Variants in SRGAP2 observed in about 807,000 individuals in gnomAD.
SRGAP2 encodes SLIT-ROBO Rho GTPase-activating protein 2.
SRGAP2 carries 15 observed loss-of-function variants against 57.2 expected under a neutral mutation model. The ratio of observed to expected loss-of-function variants is 0.26; its 90% confidence interval spans 0.18 to 0.40. The LOEUF is 0.40. Among genes scored for constraint, SRGAP2 ranks in the 10% least tolerant of loss-of-function variants. The probability of loss-of-function intolerance (pLI) is 1.00; values close to 1 mark genes in which losing one functional copy is unlikely to be tolerated. For synonymous variants in SRGAP2, 249 were observed against 248.0 expected, an observed-to-expected ratio of 1.00 and a Z score of -0.04; for missense variants, 520 against 669.6, an observed-to-expected ratio of 0.78 and a Z score of 2.47.
At position 206,447,793 on chromosome 1, in the gene SRGAP2, A is replaced by C. The variant is rs1355784382; in HGVS notation, c.2099+1494A>C. On this transcript the variant is annotated intron_variant, in intron 18 of 22. Coordinates refer to ENST00000573034, the MANE Select transcript of SRGAP2 (RefSeq NM_015326.5). ...CAGGCTCTGGTCCAGTGCCCGGGGC[A>C]CAGAGACCCCTACAGCCCTGGCCCC... 2.0e-5 allele frequency among the ~76,000 whole-genome samples: 3 copies of C among 152,184 alleles called. No individual in the cohort carries two copies. In the East Asian group the frequency reaches 5.8e-4, roughly 29 times the overall value.
intron 2 of SRGAP2, among the ~76,000 whole-genome samples, chr1:206,210,346 G>T (rs1252412247): frequency 2.8e-5 from 4 of 143,318 alleles, no homozygotes; most frequent in Admixed American, 2.8e-4. Context: ...CTGAAACAGG[G>T]TGGCACTGTA....
At chr1:206,353,252 G>A (rs1676165381) in intron 4 of SRGAP2, among the ~76,000 whole-genome samples, 1 of 152,144 alleles carries the variant, frequency 6.6e-6, no homozygotes, top group Non-Finnish European at 1.5e-5. Context: ...TCAATTGCAT[G>A]TATGTTAGAC....
At chr1:206,268,270 G>T in intron 2 of SRGAP2, among the ~76,000 whole-genome samples, 1 of 108,250 alleles carries the variant, frequency 9.2e-6, no homozygotes. Context: ...TGTGTGTGAT[G>T]TTCCCCATCC....
At chr1:206,437,447 T>TA (rs1471861518) in intron 15 of SRGAP2, among the ~76,000 whole-genome samples, 1 of 152,252 alleles carries the variant, frequency 6.6e-6, no homozygotes, top group Non-Finnish European at 1.5e-5. Context: ...TCCGTCACTG[T>TA]AATGGATATA....
At chr1:206,387,039 T>C (rs1240249499) in intron 5 of SRGAP2, among the ~76,000 whole-genome samples, 1 of 137,424 alleles carries the variant, frequency 7.3e-6, no homozygotes, top group Non-Finnish European at 1.5e-5. Context: ...GGCAGGAGAA[T>C]GGCATGAACC....
intron 4 of SRGAP2, among the ~76,000 whole-genome samples, chr1:206,381,018 T>A (rs1553347080): frequency 1.3e-5 from 2 of 152,090 alleles, no homozygotes; most frequent in Non-Finnish European, 2.9e-5. Context: ...TATTGCACAT[T>A]TTAAGTGGGC....
intron 2 of SRGAP2, among the ~76,000 whole-genome samples, chr1:206,287,409 A>G (rs1213573382): frequency 7.6e-6 from 1 of 131,910 alleles, no homozygotes; most frequent in African/African-American, 3.0e-5. Flanking sequence ...GGAAGCAAGG[A>G]GAGATAGAAA....
intron 13 of SRGAP2, among the ~76,000 whole-genome samples, chr1:206,428,058 C>T (rs189742186): frequency 6.6e-6 from 1 of 152,234 alleles, no homozygotes; most frequent in African/African-American, 2.4e-5. Flanking sequence ...GCTATGATCG[C>T]ACCACTGCAC....
chr1:206,312,759 T>G (rs61816772), intron 3 of SRGAP2, among the ~76,000 whole-genome samples: 1 of 152,080 alleles, frequency 6.6e-6, no homozygotes, highest in Non-Finnish European at 1.5e-5. Flanking sequence ...GTCAGCCTGG[T>G]TTGATCAAGA....
At chr1:206,456,341 T>C (rs2103410406) in intron 21 of SRGAP2, among the ~76,000 whole-genome samples, 1 of 152,312 alleles carries the variant, frequency 6.6e-6, no homozygotes, top group South Asian at 2.1e-4. Flanking sequence ...GAGAAGTTTC[T>C]GTTTCCCTCC....
At chr1:206,243,564 T>G (rs1668368928) in intron 2 of SRGAP2, among the ~76,000 whole-genome samples, 1 of 152,230 alleles carries the variant, frequency 6.6e-6, no homozygotes, top group Admixed American at 6.5e-5. Flanking sequence ...CAGTTGCTAG[T>G]GTCCTTCAGA....
chr1:206,411,436 T>G (rs761598384), intron 10 of SRGAP2, among the ~76,000 whole-genome samples: 1 of 152,230 alleles, frequency 6.6e-6, no homozygotes, highest in African/African-American at 2.4e-5. Flanking sequence ...AATGAGTGAA[T>G]GCCCCTGTGC....
At chr1:206,208,839 T>G (rs1553301830) in intron 2 of SRGAP2, among the ~76,000 whole-genome samples, 3 of 152,176 alleles carry the variant, frequency 2.0e-5, no homozygotes, top group Non-Finnish European at 2.9e-5. Flanking sequence ...AGTGCAATTT[T>G]TAGAGTCAAA....
At chr1:206,376,999 T>G (rs1655262432) in intron 4 of SRGAP2, among the ~76,000 whole-genome samples, 1 of 152,106 alleles carries the variant, frequency 6.6e-6, no homozygotes, top group African/African-American at 2.4e-5. Flanking sequence ...ATGGCCACTG[T>G]GCACAAAGCA....
In SRGAP2 at chr1:206,222,741, TG is replaced by T. The variant is rs201089299; in HGVS notation, c.67+16705del. 6.7e-3 allele frequency among the ~76,000 whole-genome samples: 1,024 copies of T among 152,178 alleles called. 4 individuals are homozygous for T. Among genetic ancestry groups the T allele is most frequent in the Middle Eastern group, 0.034 (10 of 294 alleles). On this transcript the variant is annotated intron_variant, in intron 2 of 22. Coordinates refer to ENST00000573034, the MANE Select transcript of SRGAP2 (RefSeq NM_015326.5). ...CATTAGAAGATAGAAAAGTAGGTTT[TG>T]CATCTTACTCGGGAAGATATATGTA...
intron 21 of SRGAP2, 159 bp downstream of exon 21, chr1:206,455,183 A>C: frequency 1.4e-6 from 1 of 692,482 alleles, no homozygotes; most frequent in East Asian, 2.5e-5. Context: ...CAAGGCGGAC[A>C]GGGCTGAGGA....
intron 2 of SRGAP2, among the ~76,000 whole-genome samples, chr1:206,279,934 T>C (rs1433355169): frequency 1.3e-5 from 2 of 151,560 alleles, no homozygotes; most frequent in African/African-American, 4.9e-5. Context: ...TTCATTTCAT[T>C]GGCGGGCGAG....
At chr1:206,290,203 TCA>T (rs1671234595) in intron 2 of SRGAP2, among the ~76,000 whole-genome samples, 1 of 152,226 alleles carries the variant, frequency 6.6e-6, no homozygotes. Context: ...ATGACACTTT[TCA>T]GTTGTGTGCG....
chr1:206,231,785 G>A (rs1171309047), intron 2 of SRGAP2, among the ~76,000 whole-genome samples: 3 of 151,658 alleles, frequency 2.0e-5, no homozygotes, highest in Middle Eastern at 3.2e-3. Flanking sequence ...CAATCCACCT[G>A]CCTCTGCCTC....
Sources: allele counts gnomAD v4.1 joint callset (sites outside exome capture counted in the v4.1 genomes callset), GRCh38; gene constraint gnomAD v4.1.1; transcripts MANE v1.5; gene names NCBI Gene and HGNC (gene_info 2026-07-23, HGNC 2026-07-21).